The following ADAM32 variants were observed in gnomAD, a reference collection of about 807,000 sequenced individuals.
The protein encoded by ADAM32 is ADAM metallopeptidase domain 32, also known as disintegrin and metalloproteinase domain-containing protein 32.
In ADAM32, 89 loss-of-function variants were observed where a neutral mutation model predicts 114.9. The observed-to-expected ratio is 0.77, with a 90% CI of 0.65 to 0.92. ADAM32 has a LOEUF of 0.92. Ranked by LOEUF, ADAM32 falls within the 40% of genes least tolerant of loss-of-function variation. The probability of loss-of-function intolerance (pLI) is 0.00; values close to 1 mark genes in which losing one functional copy is unlikely to be tolerated. For missense variants in ADAM32, 870 were observed against 932.8 expected, an observed-to-expected ratio of 0.93 and a Z score of 0.88; for synonymous variants, 285 against 307.5, an observed-to-expected ratio of 0.93 and a Z score of 0.77.
chr8:39,215,059 A>G (rs913754274), intron 12 of ADAM32, among the ~76,000 whole-genome samples: 4 of 151,704 alleles, frequency 2.6e-5, no homozygotes, highest in Admixed American at 1.3e-4. Flanking sequence ...TTTCTGTACC[A>G]TATCATTTTG....
chr8:39,193,023 T>G (rs1806707037), intron 11 of ADAM32, among the ~76,000 whole-genome samples: 10 of 152,322 alleles, frequency 6.6e-5, no homozygotes, highest in Admixed American at 6.5e-4. Flanking sequence ...AAGCATATTG[T>G]GGAGGTTCTC....
intron 19 of ADAM32, among the ~76,000 whole-genome samples, chr8:39,263,996 A>G (rs1812201644): frequency 6.6e-6 from 1 of 152,216 alleles, no homozygotes; most frequent in Admixed American, 6.5e-5. Context: ...AACCATCGAC[A>G]TAATCAAGAT....
chr8:39,245,937 T>C (rs1810887873), intron 16 of ADAM32, 146 bp from the exon 17 acceptor site: 1 of 627,684 alleles, frequency 1.6e-6, no homozygotes, highest in South Asian at 2.0e-5. Flanking sequence ...TAAAACACCC[T>C]TCTGGAATGC....
intron 2 of ADAM32, among the ~76,000 whole-genome samples, chr8:39,124,742 T>A (rs1432386552): frequency 6.6e-6 from 1 of 152,174 alleles, no homozygotes; most frequent in Non-Finnish European, 1.5e-5. Context: ...TTATCCAGTC[T>A]ATTGTTGATG....
intron 17 of ADAM32, among the ~76,000 whole-genome samples, chr8:39,248,846 A>AT (rs2129450203): frequency 6.7e-6 from 1 of 149,924 alleles, no homozygotes; most frequent in East Asian, 2.0e-4. Context: ...AGATGAAAAA[A>AT]TTTCCCTCTA....
At chr8:39,232,416 T>A (rs1809802344) in intron 15 of ADAM32, among the ~76,000 whole-genome samples, 1 of 152,162 alleles carries the variant, frequency 6.6e-6, no homozygotes, top group African/African-American at 2.4e-5. Flanking sequence ...ATTTTTCCTT[T>A]CCATCCCACT....
At chr8:39,274,497 T>C in intron 21 of ADAM32, 147 bp downstream of exon 21, 1 of 833,018 alleles carries the variant, frequency 1.2e-6, no homozygotes, top group Non-Finnish European at 1.9e-6. Flanking sequence ...CAGTTGAATT[T>C]AGTTTCTAAT....
At chr8:39,235,399 T>C (rs529329358) in intron 16 of ADAM32, among the ~76,000 whole-genome samples, 77 of 152,262 alleles carry the variant, frequency 5.1e-4, no homozygotes, top group Non-Finnish European at 9.7e-4. Context: ...GTAAAGTATA[T>C]AGACTCATTA....
At chr8:39,206,428 G>T (rs1047438810) in intron 11 of ADAM32, among the ~76,000 whole-genome samples, 14 of 152,178 alleles carry the variant, frequency 9.2e-5, no homozygotes, top group African/African-American at 3.1e-4. Context: ...GTTTCCAGAT[G>T]GTCTGCATGG....
intron 11 of ADAM32, among the ~76,000 whole-genome samples, chr8:39,197,059 T>G (rs1381926112): frequency 6.6e-6 from 1 of 152,184 alleles, no homozygotes; most frequent in Non-Finnish European, 1.5e-5. Flanking sequence ...TCTTCCTTGT[T>G]CAATCTTGGC....
intron 14 of ADAM32, among the ~76,000 whole-genome samples, chr8:39,227,034 C>T (rs749784227): frequency 9.2e-5 from 14 of 152,124 alleles, no homozygotes; most frequent in African/African-American, 2.2e-4. Flanking sequence ...ATTACAGCTC[C>T]GGAAGGGACA....
chr8:39,259,908 C>T (rs2129450822), intron 19 of ADAM32, among the ~76,000 whole-genome samples: 1 of 152,296 alleles, frequency 6.6e-6, no homozygotes, highest in African/African-American at 2.4e-5. Context: ...TTTAATACAA[C>T]TAAAGATCTT....
chr8:39,236,136 T>A (rs557594594), intron 16 of ADAM32, among the ~76,000 whole-genome samples: 11 of 152,342 alleles, frequency 7.2e-5, no homozygotes, highest in Non-Finnish European at 1.5e-4. Flanking sequence ...AGAAGAATTA[T>A]GTCAGAATTT....
At chr8:39,208,589 T>C (rs1455120458) in intron 11 of ADAM32, among the ~76,000 whole-genome samples, 2 of 152,180 alleles carry the variant, frequency 1.3e-5, no homozygotes, top group African/African-American at 4.8e-5. Flanking sequence ...TTGGTGGTGA[T>C]GAATTCCCTC....
At chr8:39,201,454 T>C (rs905138795) in intron 11 of ADAM32, among the ~76,000 whole-genome samples, 1 of 151,742 alleles carries the variant, frequency 6.6e-6, no homozygotes, top group Non-Finnish European at 1.5e-5. Flanking sequence ...ATAGGAATGC[T>C]TGTGATTTTT....
At chr8:39,114,311 C>T (rs1840286826) in intron 1 of ADAM32, among the ~76,000 whole-genome samples, 2 of 152,164 alleles carry the variant, frequency 1.3e-5, no homozygotes, top group Admixed American at 6.5e-5. Context: ...GGGGAAGATT[C>T]GCAGCACATT....
chr8:39,234,071 G>C lies in ADAM32; in HGVS notation c.1807G>C (p.Asp603His). Residue 603 changes from aspartate (D) to histidine (H), a missense_variant, in exon 16 of 25, where the codon GAT becomes CAT. Coordinates refer to ENST00000379907, the MANE Select transcript of ADAM32 (RefSeq NM_145004.7). ...PLAVKNGSQC[D>H]IGRVCVNREC... ...GGCTGTCAAAAATGGCTCTCAGTGT[G>C]ATATTGGGAGGGTAAATAATTTAAA... 2.9e-6 allele frequency: 4 copies of C among 1,396,830 alleles called. No homozygotes were observed. Among genetic ancestry groups the C allele is most frequent in the Non-Finnish European group, 3.7e-6 (4 of 1,067,910 alleles). The allele number at this position is 1,396,830 out of a possible 1,614,324, so 86.5% of individuals were successfully genotyped here.
At chr8:39,135,158 G>A (rs1015677635) in intron 2 of ADAM32, among the ~76,000 whole-genome samples, 1 of 151,958 alleles carries the variant, frequency 6.6e-6, no homozygotes, top group African/African-American at 2.4e-5. Context: ...TCTGTCGCAA[G>A]AAAAAAACAA....
chr8:39,180,177 T>G (rs911276649), intron 10 of ADAM32, among the ~76,000 whole-genome samples: 1 of 152,262 alleles, frequency 6.6e-6, no homozygotes, highest in Admixed American at 6.5e-5. Flanking sequence ...GAGTTCCGGG[T>G]GGGCGTGGGC....
Sources: allele counts gnomAD v4.1 joint callset (sites outside exome capture counted in the v4.1 genomes callset), GRCh38; gene constraint gnomAD v4.1.1; transcripts MANE v1.5; gene names NCBI Gene and HGNC (gene_info 2026-07-23, HGNC 2026-07-21).